The following ADGRG1 variants were observed in gnomAD, a reference collection of about 807,000 sequenced individuals.
ADGRG1 encodes the protein adhesion G protein-coupled receptor G1, also known as 7-transmembrane protein with no EGF-like N-terminal domains-1.
In ADGRG1, 53 loss-of-function variants were observed where a neutral mutation model predicts 73.5. The ratio of observed to expected loss-of-function variants is 0.72; its 90% CI spans 0.58 to 0.91. The LOEUF is 0.91. Among genes scored for constraint, ADGRG1 ranks in the 40% least tolerant of loss-of-function variants. The pLI is 0.00. For missense variants in ADGRG1, 795 were observed against 871.8 expected, an observed-to-expected ratio of 0.91 and a Z score of 1.11; for synonymous variants, 394 against 374.4, an observed-to-expected ratio of 1.05 and a Z score of -0.60.
At chr16:57,650,965 C>T (rs535046465) in intron 2 of ADGRG1, 1 of 601,058 alleles carries the variant, frequency 1.7e-6, no homozygotes, top group East Asian at 1.5e-4. Flanking sequence ...GCCTCAGCCT[C>T]CCAAAGTGCT....
chr16:57,622,420 G>T (rs1167490065), intron 2 of ADGRG1, among the ~76,000 whole-genome samples: 1 of 152,140 alleles, frequency 6.6e-6, no homozygotes, highest in East Asian at 1.9e-4. Context: ...GCCAGGTAGG[G>T]ATCATCCCAG....
At position 57,656,620 on chromosome 16, in the gene ADGRG1, G is replaced by A. The variant is rs587776623; in HGVS notation, c.1167+3G>A. 4 of 1,581,010 alleles carry A rather than the reference G, an allele frequency of 2.5e-6. No individual in the cohort carries two copies. The highest frequency in any genetic ancestry group is 1.7e-4 in the Middle Eastern group (1 of 6,000). On this transcript the variant is annotated splice_donor_region_variant and intron_variant, in intron 9 of 13. Coordinates refer to ENST00000562631, the MANE Select transcript of ADGRG1 (RefSeq NM_201525.4). ...TGACCTACTTTGCAGTGCTGATGGTGAGGGTCCCTGCTCCCACCTCGCAGC... is the reference window on the plus strand; with the variant it reads ...TGACCTACTTTGCAGTGCTGATGGTAAGGGTCCCTGCTCCCACCTCGCAGC...
At chr16:57,655,560 G>A (rs765206541) in intron 6 of ADGRG1, 30 bp downstream of exon 6, 8 of 1,612,016 alleles carry the variant, frequency 5.0e-6, no homozygotes, top group Middle Eastern at 1.6e-4. Context: ...ATGCCTCCCA[G>A]GAGAAAGCAG....
In ADGRG1 at chr16:57,663,604, G is replaced by A. The variant is rs776682816; in HGVS notation, c.*22G>A. On this transcript the variant is annotated 3_prime_UTR_variant, in exon 14 of 14. Transcript: ENST00000562631. ...CTAGGCCTCCAGCCCACCTGCCCAT[G>A]TGATGAAGCAGAGATTCGGCCTCGT... is the stretch of plus-strand genomic sequence containing the variant. The A allele has an allele frequency of 4.3e-6, 7 of 1,610,932 alleles. No homozygotes were observed. In the South Asian group the frequency reaches 5.5e-5, roughly 13 times the overall value.
chr16:57,639,677 T>C, intron 1 of ADGRG1: 2 of 984,980 alleles, frequency 2.0e-6, no homozygotes, highest in Non-Finnish European at 2.4e-6. Flanking sequence ...CCAGGTACGA[T>C]TCTCCCGCCT....
chr16:57,631,809 C>T (rs778995804), intron 1 of ADGRG1: 49 of 985,476 alleles, frequency 5.0e-5, no homozygotes, highest in Middle Eastern at 5.2e-4. Context: ...CCTGCCCCTC[C>T]TCCTGTCTCT....
At chr16:57,650,537 T>G (rs1318748892) in intron 2 of ADGRG1, 186 bp downstream of exon 2, 5 of 487,684 alleles carry the variant, frequency 1.0e-5, no homozygotes, top group African/African-American at 8.4e-5. Flanking sequence ...GTGCACAGCT[T>G]AGGGTATGGA....
chr16:57,660,901 C>T, intron 12 of ADGRG1, 25 bp downstream of exon 12: 3 of 1,356,236 alleles, frequency 2.2e-6, no homozygotes, highest in Non-Finnish European at 3.2e-6. Flanking sequence ...GCAATGGGGG[C>T]AAGAAGGTGG....
At chr16:57,634,951 A>G (rs1445095070) in intron 1 of ADGRG1, 12 of 985,208 alleles carry the variant, frequency 1.2e-5, no homozygotes, top group Non-Finnish European at 1.4e-5. Flanking sequence ...AGGAACCTCC[A>G]CCATGAAAGC....
Position 57,628,630 on chromosome 16 carries a change from G to A in ADGRG1, c.-208G>A, listed in dbSNP as rs1426659506. 9.1e-6 allele frequency: 9 copies of A among 985,370 alleles called. 1 individual carries two copies. Among genetic ancestry groups the A allele is most frequent in the Middle Eastern group, 5.2e-4 (1 of 1,936 alleles). The allele number at this position is 985,370 out of a possible 1,614,324, so 61.0% of individuals were successfully genotyped here. A position where few individuals can be genotyped will look rare whatever the true frequency, so the allele number is the denominator to read the frequency against. Reference sequence around the variant, plus strand: ...AAACAAACCCGGTCCCTCCCTCTCCGCACTAGCTGTCTGCCCTGCCCTGCC... The same window carrying A: ...AAACAAACCCGGTCCCTCCCTCTCCACACTAGCTGTCTGCCCTGCCCTGCC... On this transcript the variant is annotated 5_prime_UTR_variant, in exon 1 of 14. Coordinates refer to ENST00000562631, the MANE Select transcript of ADGRG1 (RefSeq NM_201525.4).
intron 4 of ADGRG1, 164 bp downstream of exon 4, chr16:57,653,499 A>G (rs2044663698): frequency 1.0e-6 from 1 of 985,212 alleles, no homozygotes; most frequent in Non-Finnish European, 1.2e-6. Flanking sequence ...CATGCCCCCC[A>G]GGCTGAGCCC....
At chr16:57,655,687 G>C (rs1319323956) in intron 6 of ADGRG1, 157 bp downstream of exon 6, 2 of 985,302 alleles carry the variant, frequency 2.0e-6, no homozygotes, top group Non-Finnish European at 2.4e-6. Context: ...CCCTGTGAGA[G>C]GGCTAAGCAA....
chr16:57,646,605 TCTC>T, intron 1 of ADGRG1: 1 of 985,170 alleles, frequency 1.0e-6, no homozygotes, highest in South Asian at 4.7e-5. Context: ...TACTCTCCAT[TCTC>T]CTCTCCTTCC....
intron 11 of ADGRG1, 28 bp downstream of exon 11, chr16:57,659,709 G>T (rs1292243739): frequency 6.2e-7 from 1 of 1,611,952 alleles, no homozygotes; most frequent in Non-Finnish European, 8.5e-7. Context: ...GGGTGCCTCA[G>T]ACCTGCCTCT....
At chr16:57,656,132 G>C in intron 7 of ADGRG1, 94 bp from the exon 8 acceptor site, 2 of 1,613,484 alleles carry the variant, frequency 1.2e-6, no homozygotes, top group East Asian at 4.5e-5. Flanking sequence ...GCGGGTGGTG[G>C]CTTGACTGTG....
At chr16:57,654,263 G>T in intron 5 of ADGRG1, 130 bp downstream of exon 5, 1 of 904,244 alleles carries the variant, frequency 1.1e-6, no homozygotes, top group South Asian at 1.6e-5. Flanking sequence ...GAAGGTTCCA[G>T]GCCCGAGGAT....
intron 1 of ADGRG1, 47 bp downstream of exon 1, chr16:57,628,849 A>AGTGTGT (rs1319984434): frequency 1.0e-6 from 1 of 983,492 alleles, no homozygotes; most frequent in African/African-American, 1.8e-5. Flanking sequence ...GAATAGTGTG[A>AGTGTGT]GTGTGAGAGT....
At chr16:57,649,918 C>T (rs187024406) in intron 1 of ADGRG1, 1 of 153,458 alleles carries the variant, frequency 6.5e-6, no homozygotes, top group East Asian at 1.9e-4. Context: ...GCTGGGACCA[C>T]AGGCATACAC....
In ADGRG1 at chr16:57,656,647, A is replaced by T. The variant is rs183438438; in HGVS notation, c.1167+30A>T. On this transcript the variant is annotated intron_variant, in intron 9 of 13. Transcript: ENST00000562631. Reference sequence around the variant, plus strand: ...GGGTCCCTGCTCCCACCTCGCAGCCACACCCCAGGCCGTGTGCTTGTTCTG... The same window carrying T: ...GGGTCCCTGCTCCCACCTCGCAGCCTCACCCCAGGCCGTGTGCTTGTTCTG... 300 of 1,314,278 alleles carry T rather than the reference A, an allele frequency of 2.3e-4. 3 individuals are homozygous for T. The East Asian group carries it at 6.8e-3, about 30-fold the overall frequency. The allele number at this position is 1,314,278 out of a possible 1,614,324, so 81.4% of individuals were successfully genotyped here. A position where few individuals can be genotyped will look rare whatever the true frequency, so the allele number is the denominator to read the frequency against.
Sources: gnomAD v4.1 joint callset for allele counts (sites outside exome capture counted in the v4.1 genomes callset) on GRCh38, gnomAD v4.1.1 for gene constraint, MANE v1.5 for transcripts, NCBI Gene and HGNC (gene_info 2026-07-23, HGNC 2026-07-21) for gene names.